The following CYFIP1 variants were observed in gnomAD, a reference collection of about 807,000 sequenced individuals.
The protein encoded by CYFIP1 is cytoplasmic FMR1-interacting protein 1.
CYFIP1 carries 58 observed loss-of-function variants against 163.5 expected under a neutral mutation model. That is an observed-to-expected ratio of 0.35 (90% CI 0.29 to 0.44). CYFIP1 has a LOEUF of 0.44. Among genes scored for constraint, CYFIP1 ranks in the 20% least tolerant of loss-of-function variants. The pLI is 1.00. For synonymous variants in CYFIP1, 663 were observed against 660.7 expected, an observed-to-expected ratio of 1.00 and a Z score of -0.05; for missense variants, 1,338 against 1,653.8, an observed-to-expected ratio of 0.81 and a Z score of 3.31.
rs963463557 is a variant in CYFIP1 at position 22,928,105 on chromosome 15, A to T, written c.1111-77T>A. ...CCCCCATCCCGGGATCCACCATGAG[A>T]ATCCACCCCAAAGTCACACGTGTGA... On this transcript the variant is annotated intron_variant, in intron 11 of 30. Coordinates refer to ENST00000617928, the MANE Select transcript of CYFIP1 (RefSeq NM_014608.6). The T allele has an allele frequency of 3.6e-6, 5 of 1,400,390 alleles. No homozygotes were observed. The African/African-American group carries it at 7.5e-5, about 21-fold the overall frequency. The allele number at this position is 1,400,390 out of a possible 1,614,324, so 86.7% of individuals were successfully genotyped here. A position where few individuals can be genotyped will look rare whatever the true frequency, so the allele number is the denominator to read the frequency against.
intron 14 of CYFIP1, 107 bp downstream of exon 14, chr15:22,918,585 T>C (rs1402325137): frequency 1.4e-5 from 15 of 1,068,568 alleles, no homozygotes; most frequent in Non-Finnish European, 1.8e-5. Context: ...AGGTTGAAGA[T>C]AAATATATTG....
chr15:22,882,686 C>T (rs554961889), intron 24 of CYFIP1, among the ~76,000 whole-genome samples, 182 bp downstream of exon 24: 18 of 152,218 alleles, frequency 1.2e-4, no homozygotes, highest in African/African-American at 4.3e-4. Context: ...TAACCTGGAC[C>T]CATTCTCTTG....
rs143043400 is a variant in CYFIP1, at chr15:22,918,974, G to T, written c.1360-116C>A. 3.8e-6 allele frequency: 3 copies of T among 783,146 alleles called. No individual in the cohort carries two copies. In the African/African-American group the frequency reaches 5.2e-5, roughly 14 times the overall value. 48.5% of individuals were successfully genotyped at this position (783,146 alleles called of 1,614,324 possible). A position where few individuals can be genotyped will look rare whatever the true frequency, so the allele number is the denominator to read the frequency against. On this transcript the variant is annotated intron_variant, in intron 13 of 30. Coordinates refer to ENST00000617928, the MANE Select transcript of CYFIP1 (RefSeq NM_014608.6). The stretch of plus-strand genomic sequence containing the variant: ...CCCACAGCACCTTACGCCCTCCCGC[G>T]TTCGTGCCCTGCAGCTGCCCTGCCC...
In CYFIP1 at chr15:22,939,442, A is replaced by G; in HGVS notation, c.635T>C (p.Met212Thr). 3 of 1,613,602 alleles carry G rather than the reference A, an allele frequency of 1.9e-6. No individual in the cohort carries two copies. The highest frequency in any genetic ancestry group is 2.5e-6 in the Non-Finnish European group (3 of 1,179,924). ...GATCTTGTTATGATTGGCCAGGAAC[A>G]TGGACAGATTCTGCGATTCCTGGAT... is the stretch of plus-strand genomic sequence containing the variant. The part of the protein sequence containing the change: ...QSIQESQNLS[M>T]FLANHNKITQ... The change falls in exon 7 of 31, where the codon ATG becomes ACG. Residue 212 changes from methionine to threonine, a missense_variant. Physicochemically the swap from Met to Thr is moderately conservative, Grantham distance 81. Coordinates refer to ENST00000617928, the MANE Select transcript of CYFIP1 (RefSeq NM_014608.6).
intron 1 of CYFIP1, among the ~76,000 whole-genome samples, chr15:22,953,216 G>A (rs2062318600): frequency 6.6e-6 from 1 of 152,152 alleles, no homozygotes; most frequent in African/African-American, 2.4e-5. Flanking sequence ...GTCTGGCCTG[G>A]GTGCCACCTA....
At chr15:22,978,401 T>G (rs2063354027) in intron 1 of CYFIP1, among the ~76,000 whole-genome samples, 1 of 147,512 alleles carries the variant, frequency 6.8e-6, no homozygotes, top group Admixed American at 6.7e-5. Flanking sequence ...ATACGGTTAT[T>G]TAAAAGATTG....
Position 22,910,765 on chromosome 15 carries a change from A to G in CYFIP1, c.2131T>C (p.Phe711Leu). 2 of 1,614,042 alleles carry G rather than the reference A, an allele frequency of 1.2e-6. No individual in the cohort carries two copies. Among genetic ancestry groups the G allele is most frequent in the Non-Finnish European group, 1.7e-6 (2 of 1,179,882 alleles). Residue 711 changes from phenylalanine to leucine, a missense_variant, in exon 19 of 31, where the codon TTT (phenylalanine) becomes CTT (leucine). Physicochemically the swap from Phe to Leu is conservative, Grantham distance 22 (BLOSUM62 0). This residue lies in a region of CYFIP1 where 824 missense variants were observed against 995.7 expected (regional missense o/e 0.83). Coordinates refer to ENST00000617928, the MANE Select transcript of CYFIP1 (RefSeq NM_014608.6). ...QFVYKLADQI[F>L]AYYKVMAGSL... ...CCTGCCATAACCTTATAATAGGCAAATATCTGGTCTGCTAGCTTGTAAACA... is the reference window on the plus strand; with the variant it reads ...CCTGCCATAACCTTATAATAGGCAAGTATCTGGTCTGCTAGCTTGTAAACA...
intron 1 of CYFIP1, among the ~76,000 whole-genome samples, chr15:22,947,551 A>G (rs1255592932): frequency 1.3e-5 from 2 of 151,998 alleles, no homozygotes; most frequent in Non-Finnish European, 2.9e-5. Flanking sequence ...GGGTCACAGT[A>G]TGGGGCACAT....
chr15:22,939,167 C>CG (rs745904301), intron 8 of CYFIP1, 25 bp downstream of exon 8: 1 of 1,613,862 alleles, frequency 6.2e-7, no homozygotes, highest in South Asian at 1.1e-5. Flanking sequence ...GGCAGTGCCA[C>CG]GGGCTAGCGT....
At chr15:22,962,887 A>C (rs890141409) in intron 1 of CYFIP1, among the ~76,000 whole-genome samples, 13 of 152,194 alleles carry the variant, frequency 8.5e-5, no homozygotes, top group African/African-American at 2.9e-4. Flanking sequence ...CCCAACCAAC[A>C]AACCAGGCTA....
intron 1 of CYFIP1, among the ~76,000 whole-genome samples, chr15:22,964,525 GGGCAGTTTCCCCTGCCCGGC>G (rs2062836236): frequency 1.3e-5 from 2 of 152,116 alleles, no homozygotes; most frequent in South Asian, 4.1e-4. Context: ...CAGGCCAGCA[GGGCAGTTTCCCCTGCCCGGC>G]AGCTCCCCGG....
chr15:22,871,989 A>T (rs2059444185), intron 30 of CYFIP1, among the ~76,000 whole-genome samples: 1 of 152,152 alleles, frequency 6.6e-6, no homozygotes, highest in Admixed American at 6.5e-5. Context: ...GTTGTCATGG[A>T]AGCAATAGAA....
chr15:22,910,604 T>C lies in CYFIP1; in HGVS notation c.2184A>G (p.Arg728=). 1 of 1,614,154 alleles carries C rather than the reference T, an allele frequency of 6.2e-7. No homozygotes were observed. Among genetic ancestry groups the C allele is most frequent in the Non-Finnish European group, 8.5e-7 (1 of 1,180,006 alleles). The change falls in exon 20 of 31, where the codon CGA becomes CGG. Residue 728 remains arginine, a synonymous_variant. Transcript: ENST00000617928. ...AGSLLLDKRL[R]SECKNQGATI... Reference sequence around the variant, plus strand: ...TGGCTCCCTGATTCTTGCATTCTGATCGTAACCGTTTATCAAGAAGCAAAC... The same window carrying C: ...TGGCTCCCTGATTCTTGCATTCTGACCGTAACCGTTTATCAAGAAGCAAAC...
intron 23 of CYFIP1, among the ~76,000 whole-genome samples, chr15:22,887,593 C>T (rs1267936732): frequency 6.6e-6 from 1 of 152,192 alleles, no homozygotes; most frequent in African/African-American, 2.4e-5. Flanking sequence ...AGGCATCACT[C>T]AATGAACACA....
rs146349796 is a variant in CYFIP1 at position 22,941,692 on chromosome 15, G to A, written c.569+1481C>T. On this transcript the variant is annotated intron_variant, in intron 6 of 30. Coordinates refer to ENST00000617928, the MANE Select transcript of CYFIP1 (RefSeq NM_014608.6). ...CACTCTTTGGTGCTCAGGGGAACCTGGAGGTGGTGAAGACGCTAGAGGGGA... is the reference window on the plus strand; with the variant it reads ...CACTCTTTGGTGCTCAGGGGAACCTAGAGGTGGTGAAGACGCTAGAGGGGA... 8.2e-3 allele frequency among the ~76,000 whole-genome samples: 1,242 copies of A among 152,144 alleles called. 12 individuals are homozygous for A. The highest frequency in any genetic ancestry group is 0.011 in the Non-Finnish European group (751 of 67,970).
intron 21 of CYFIP1, among the ~76,000 whole-genome samples, chr15:22,908,292 G>A (rs1180777996): frequency 6.6e-6 from 1 of 152,060 alleles, no homozygotes; most frequent in African/African-American, 2.4e-5. Context: ...GCCTCTGTAG[G>A]CTCCGTGAGA....
At chr15:22,977,517 T>C (rs986953275) in intron 1 of CYFIP1, among the ~76,000 whole-genome samples, 10 of 152,184 alleles carry the variant, frequency 6.6e-5, no homozygotes, top group Non-Finnish European at 1.5e-4. Context: ...TTGGACATGT[T>C]AGTTAAAACT....
At chr15:22,945,636 C>T (rs944288590) in intron 3 of CYFIP1, among the ~76,000 whole-genome samples, 2 of 151,350 alleles carry the variant, frequency 1.3e-5, no homozygotes, top group Non-Finnish European at 2.9e-5. Context: ...TGCAGTGGCA[C>T]GATCTCAGCT....
intron 21 of CYFIP1, 59 bp downstream of exon 21, chr15:22,909,135 A>T: frequency 6.2e-7 from 1 of 1,604,470 alleles, no homozygotes; most frequent in South Asian, 1.1e-5. Context: ...TATCATCTAT[A>T]CAAGAACTGG....
Sources: allele counts gnomAD v4.1 joint callset (sites outside exome capture counted in the v4.1 genomes callset), GRCh38; gene constraint gnomAD v4.1.1; regional missense constraint gnomAD v4.1.1; transcripts MANE v1.5; gene names NCBI Gene and HGNC (gene_info 2026-07-23, HGNC 2026-07-21).